MYO3A: variants seen among roughly 807,000 people sequenced by gnomAD.
MYO3A encodes myosin IIIA.
In MYO3A, 180 loss-of-function variants were observed where a neutral mutation model predicts 192.7. That is an observed-to-expected ratio of 0.93 (90% CI 0.83 to 1.06). The LOEUF (loss-of-function observed/expected upper bound fraction) is 1.06. Ranked by LOEUF, MYO3A falls within the 50% of genes least tolerant of loss-of-function variation. The pLI is 0.00. For missense variants in MYO3A, 1,896 were observed against 1,905.0 expected, an observed-to-expected ratio of 1.00 and a Z score of 0.09; for synonymous variants, 628 against 645.3, an observed-to-expected ratio of 0.97 and a Z score of 0.41.
chr10:26,032,652 A>C (rs1186884650), intron 10 of MYO3A, among the ~76,000 whole-genome samples: 3 of 152,082 alleles, frequency 2.0e-5, no homozygotes, highest in African/African-American at 7.2e-5. Context: ...CAACAAAAAA[A>C]ACACACAGCC....
chr10:25,984,547 G>A (rs1206355682), intron 4 of MYO3A, among the ~76,000 whole-genome samples: 1 of 152,078 alleles, frequency 6.6e-6, no homozygotes, highest in Non-Finnish European at 1.5e-5. Flanking sequence ...GTTTCTTTTT[G>A]TTCCAAGCCC....
chr10:26,075,559 C>T (rs895599109), intron 14 of MYO3A, among the ~76,000 whole-genome samples: 20 of 145,114 alleles, frequency 1.4e-4, no homozygotes, highest in African/African-American at 5.1e-4. Flanking sequence ...ACTTCACTTA[C>T]AGTAATAGTC....
chr10:26,031,772 A>C (rs1169177547), intron 10 of MYO3A, among the ~76,000 whole-genome samples: 3 of 152,224 alleles, frequency 2.0e-5, no homozygotes, highest in Non-Finnish European at 4.4e-5. Context: ...AGCTGAGCTT[A>C]CTTGCACAAG....
chr10:26,094,420 C>CTTTTTTTTTTTTTTTTTTTTTTTTTTTT (rs965507109), intron 15 of MYO3A, among the ~76,000 whole-genome samples: 2 of 101,322 alleles, frequency 2.0e-5, no homozygotes, highest in Non-Finnish European at 3.8e-5. Flanking sequence ...TGAATAATTT[C>CTTTTTTTTTTTTTTTTTTTTTTTTTTTT]TTTTTTTTTT....
chr10:25,992,257 T>C (rs1337905944), intron 4 of MYO3A, among the ~76,000 whole-genome samples: 2 of 152,178 alleles, frequency 1.3e-5, no homozygotes, highest in Non-Finnish European at 2.9e-5. Context: ...TTCCTAGATA[T>C]TTTATTCTCT....
chr10:26,096,441 A>G lies in MYO3A; in HGVS notation c.1623A>G (p.Lys541=). 1 of 1,613,866 alleles carries G rather than the reference A, an allele frequency of 6.2e-7. No individual in the cohort carries two copies. Among genetic ancestry groups the G allele is most frequent in the Non-Finnish European group, 8.5e-7 (1 of 1,179,880 alleles). The change falls in exon 16 of 35, where the codon AAA becomes AAG. Residue 541 remains lysine (K), a synonymous_variant. Transcript: ENST00000642920. ...ATGCTGGTTTGGCTGAAAAGAAGAAACTAGCCCATTACAAACTGCCTGAAA... is the reference window on the plus strand; with the variant it reads ...ATGCTGGTTTGGCTGAAAAGAAGAAGCTAGCCCATTACAAACTGCCTGAAA... The part of the protein sequence containing the change: ...YIYAGLAEKK[K]LAHYKLPENK...
chr10:25,975,823 G>A (rs1027117243), intron 4 of MYO3A, among the ~76,000 whole-genome samples: 3 of 152,068 alleles, frequency 2.0e-5, no homozygotes, highest in Non-Finnish European at 2.9e-5. Context: ...TGCATTAACA[G>A]AATCAAAGTG....
intron 9 of MYO3A, among the ~76,000 whole-genome samples, 175 bp downstream of exon 9, chr10:26,024,262 GC>G (rs1366820820): frequency 2.0e-4 from 31 of 152,216 alleles, no homozygotes; most frequent in African/African-American, 7.5e-4. Context: ...TCAGATAATG[GC>G]CTTAGGGTCA....
intron 10 of MYO3A, among the ~76,000 whole-genome samples, chr10:26,044,266 T>C (rs1843516052): frequency 6.6e-6 from 1 of 152,254 alleles, no homozygotes. Flanking sequence ...AGCTGTGAGC[T>C]GTGCAGCCTG....
At chr10:26,056,601 AGCTTTAGTGTTGGAG>A (rs1172117197) in intron 10 of MYO3A, among the ~76,000 whole-genome samples, 3 of 152,176 alleles carry the variant, frequency 2.0e-5, no homozygotes, top group African/African-American at 7.2e-5. Flanking sequence ...GAATGTAGAG[AGCTTTAGTGTTGGAG>A]GCTGAGGAAA....
chr10:25,957,022 GC>G (rs1245522240), intron 4 of MYO3A, among the ~76,000 whole-genome samples: 2 of 152,144 alleles, frequency 1.3e-5, no homozygotes, highest in Non-Finnish European at 2.9e-5. Context: ...AAGGATAATA[GC>G]CTCTGGCTCC....
Position 26,062,515 on chromosome 10 carries a change from C to CAAAAAAAAAAAAAAAAAAAAA in MYO3A, c.954-4442_954-4441insAAAAAAAAAAAAAAAAAAAAA, listed in dbSNP as rs573334201. Among the ~76,000 whole-genome samples, 2 of 42,214 alleles carry CAAAAAAAAAAAAAAAAAAAAA rather than the reference C, an allele frequency of 4.7e-5. 1 individual carries two copies. Among genetic ancestry groups the CAAAAAAAAAAAAAAAAAAAAA allele is most frequent in the Non-Finnish European group, 1.2e-4 (2 of 16,018 alleles). 27.7% of individuals were successfully genotyped at this position (42,214 alleles called of 152,430 possible). A position where few individuals can be genotyped will look rare whatever the true frequency, so the allele number is the denominator to read the frequency against. ...CTGGCGACAGAGTGAGATGCCATCT[C>CAAAAAAAAAAAAAAAAAAAAA]AAAAAAAAAAAAAAAAAATTATGGA... is the stretch of plus-strand genomic sequence containing the variant. On this transcript the variant is annotated intron_variant, in intron 10 of 34. Transcript: ENST00000642920.
At position 26,188,192 on chromosome 10, in the gene MYO3A, C is replaced by T. The variant is rs376599051; in HGVS notation, c.4439-5013C>T. Reference sequence around the variant, plus strand: ...TTTTAATGATCGCCATTCTAACTGGCGTGAGGTGGTATCTCATTGTGGTTT... The same window carrying T: ...TTTTAATGATCGCCATTCTAACTGGTGTGAGGTGGTATCTCATTGTGGTTT... On this transcript the variant is annotated intron_variant, in intron 31 of 34. Coordinates refer to ENST00000642920, the MANE Select transcript of MYO3A (RefSeq NM_017433.5). 5.4e-3 allele frequency among the ~76,000 whole-genome samples: 819 copies of T among 152,234 alleles called. 9 individuals carry two copies. Among genetic ancestry groups the T allele is most frequent in the African/African-American group, 0.017 (711 of 41,524 alleles).
chr10:26,121,666 G>A (rs141859242), intron 18 of MYO3A, among the ~76,000 whole-genome samples: 1,829 of 152,178 alleles, frequency 0.012, 50 homozygotes, highest in African/African-American at 0.041. Flanking sequence ...CAGGAGAATC[G>A]CTTGAACCCA....
At chr10:26,110,756 T>C (rs1838116053) in intron 17 of MYO3A, among the ~76,000 whole-genome samples, 1 of 152,196 alleles carries the variant, frequency 6.6e-6, no homozygotes. Flanking sequence ...TGCTGAAATT[T>C]GTGCCATTGA....
At chr10:26,105,771 C>G (rs1837760725) in intron 17 of MYO3A, among the ~76,000 whole-genome samples, 1 of 151,774 alleles carries the variant, frequency 6.6e-6, no homozygotes, top group South Asian at 2.1e-4. Flanking sequence ...AAAAGTTTTC[C>G]CCTAACTCTA....
In MYO3A at chr10:26,176,790, T is replaced by A; in HGVS notation, c.4383T>A (p.Gly1461=). 2 of 1,614,114 alleles carry A rather than the reference T, an allele frequency of 1.2e-6. No individual in the cohort carries two copies. The highest frequency in any genetic ancestry group is 1.7e-6 in the Non-Finnish European group (2 of 1,179,942). The change falls in exon 31 of 35, where the codon GGT becomes GGA. Residue 1461 remains glycine, a synonymous_variant. Transcript: ENST00000642920. ...LSQQLKSLYL[G]VSHHKPINRR... ...AGCAACTGAAGTCACTTTATCTGGG[T>A]GTCTCGCACCATAAGCCAATTAATA...
chr10:26,020,059 T>C lies in MYO3A; in HGVS notation c.586-1444T>C, dbSNP rs115589787. 8.4e-3 allele frequency among the ~76,000 whole-genome samples: 1,281 copies of C among 152,348 alleles called. 16 individuals carry two copies. The highest frequency in any genetic ancestry group is 0.028 in the African/African-American group (1,162 of 41,576). ...TATTCTGTCTTTATATATAGACATA[T>C]ATATATGCACATATATGCACATGCA... On this transcript the variant is annotated intron_variant, in intron 7 of 34. Coordinates refer to ENST00000642920, the MANE Select transcript of MYO3A (RefSeq NM_017433.5).
intron 7 of MYO3A, among the ~76,000 whole-genome samples, chr10:26,017,986 A>AATC (rs973385948): frequency 6.7e-6 from 1 of 149,536 alleles, no homozygotes; most frequent in African/African-American, 2.4e-5. Context: ...ATATATTAAT[A>AATC]TAATAATAAA....
Sources: allele counts gnomAD v4.1 joint callset (sites outside exome capture counted in the v4.1 genomes callset), GRCh38; gene constraint gnomAD v4.1.1; transcripts MANE v1.5; gene names NCBI Gene and HGNC (gene_info 2026-07-23, HGNC 2026-07-21).